IFT140: variants seen among roughly 807,000 people sequenced by gnomAD.
IFT140 encodes the protein intraflagellar transport 140.
A neutral mutation model predicts 164.6 loss-of-function variants in IFT140; 133 were observed. The ratio of observed to expected loss-of-function variants is 0.81; its 90% CI spans 0.70 to 0.93. The LOEUF is 0.93. Ranked by LOEUF, IFT140 falls within the 40% of genes least tolerant of loss-of-function variation. IFT140 has a pLI of 0.00. For missense variants in IFT140, 2,045 were observed against 1,972.3 expected (o/e 1.04, Z -0.70); for synonymous variants, 860 against 817.3 (o/e 1.05, Z -0.89).
intron 2 of IFT140, among the ~76,000 whole-genome samples, chr16:1,607,847 T>G (rs556295656): frequency 6.6e-6 from 1 of 152,248 alleles, no homozygotes; most frequent in Non-Finnish European, 1.5e-5. Flanking sequence ...GGTTTTACTA[T>G]GTTGCCCAGG....
At chr16:1,525,165 G>T in intron 22 of IFT140, 66 bp downstream of exon 22, 1 of 1,351,926 alleles carries the variant, frequency 7.4e-7, no homozygotes, top group Non-Finnish European at 1.1e-6. Flanking sequence ...GTCTCAGCAA[G>T]CCCTGGGGTC....
intron 6 of IFT140, among the ~76,000 whole-genome samples, chr16:1,591,645 C>A (rs1010699017): frequency 6.6e-6 from 1 of 152,162 alleles, no homozygotes; most frequent in Non-Finnish European, 1.5e-5. Flanking sequence ...GCCTTGGCTG[C>A]GCAGCCTGTC....
intron 19 of IFT140, among the ~76,000 whole-genome samples, chr16:1,548,218 T>G (rs547966303): frequency 1.3e-5 from 2 of 152,152 alleles, no homozygotes; most frequent in Admixed American, 6.5e-5. Flanking sequence ...CTGCTCCGCA[T>G]AGATTCTCTT....
At chr16:1,568,068 G>A (rs906147940) in intron 15 of IFT140, 149 bp downstream of exon 15, 1 of 634,994 alleles carries the variant, frequency 1.6e-6, no homozygotes. Flanking sequence ...AGAGACCCGG[G>A]GAGACGAGGG....
chr16:1,602,370 C>T lies in IFT140; in HGVS notation c.369G>A (p.Arg123=). 4 of 1,613,806 alleles carry T rather than the reference C, an allele frequency of 2.5e-6. No homozygotes were observed. The highest frequency in any genetic ancestry group is 3.4e-6 in the Non-Finnish European group (4 of 1,179,730). The change falls in exon 4 of 31, where the codon AGG becomes AGA. Residue 123 remains arginine (R), a splice_region_variant and synonymous_variant. Coordinates refer to ENST00000426508, the MANE Select transcript of IFT140 (RefSeq NM_014714.4). ...CAGCGTCTTGCGCGTGTTGACTCAC[C>T]CTGTCCCCAGACAGCAGGCAGTTTC... is the stretch of plus-strand genomic sequence containing the variant. The part of the protein sequence containing the change: ...PSGNCLLSGD[R]LGVLLLWRLD...
chr16:1,578,262 A>G (rs935043093), intron 13 of IFT140: 29 of 152,086 alleles, frequency 1.9e-4, no homozygotes, highest in Non-Finnish European at 1.6e-4. Flanking sequence ...AGAATTGACA[A>G]TCCATGATGG....
At chr16:1,594,937 T>A (rs1486664177) in intron 4 of IFT140, among the ~76,000 whole-genome samples, 3 of 152,264 alleles carry the variant, frequency 2.0e-5, no homozygotes, top group Non-Finnish European at 2.9e-5. Flanking sequence ...AAATGCTGGA[T>A]AACATGCTTT....
chr16:1,525,422 G>T (rs1219944580), intron 21 of IFT140, 96 bp from the exon 22 acceptor site: 2 of 913,596 alleles, frequency 2.2e-6, no homozygotes, highest in Admixed American at 1.8e-5. Context: ...ACGCATCAGA[G>T]CGGTGGCCCT....
chr16:1,523,775 G>A (rs1296205030), intron 25 of IFT140, 53 bp downstream of exon 25: 1 of 1,606,360 alleles, frequency 6.2e-7, no homozygotes, highest in Non-Finnish European at 8.5e-7. Flanking sequence ...ACAGGCAAGG[G>A]CCCCCTGGCT....
chr16:1,549,520 C>T (rs543612912), intron 19 of IFT140, among the ~76,000 whole-genome samples: 3 of 152,334 alleles, frequency 2.0e-5, no homozygotes, highest in African/African-American at 7.2e-5. Context: ...CAAGCTCTGC[C>T]TCCCGGGTTC....
chr16:1,566,131 C>A, intron 16 of IFT140, 30 bp downstream of exon 16: 1 of 1,601,606 alleles, frequency 6.2e-7, no homozygotes, highest in Non-Finnish European at 8.5e-7. Context: ...TCATTTTTTC[C>A]AACAAAATCC....
intron 19 of IFT140, among the ~76,000 whole-genome samples, chr16:1,528,077 C>T (rs764862897): frequency 1.8e-4 from 28 of 152,134 alleles, no homozygotes; most frequent in Non-Finnish European, 1.9e-4. Flanking sequence ...TGGGGCTGGG[C>T]GGGAGGTGGG....
intron 23 of IFT140, 27 bp downstream of exon 23, chr16:1,524,757 T>G: frequency 6.3e-7 from 1 of 1,590,892 alleles, no homozygotes; most frequent in Non-Finnish European, 8.6e-7. Flanking sequence ...CGTGTCCGCC[T>G]GGCCGGCTCC....
At chr16:1,606,405 G>C (rs1354975503) in intron 3 of IFT140, among the ~76,000 whole-genome samples, 1 of 152,212 alleles carries the variant, frequency 6.6e-6, no homozygotes, top group Non-Finnish European at 1.5e-5. Context: ...CCACATACTA[G>C]GGCTTTTATA....
rs550726536 is a variant in IFT140, at chr16:1,561,794, G to C, written c.2199+191C>G. Among the ~76,000 whole-genome samples, 23 of 152,298 alleles carry C rather than the reference G, an allele frequency of 1.5e-4. No individual in the cohort carries two copies. The East Asian group carries it at 4.1e-3, about 27-fold the overall frequency. ...GCAAAACCACTTCCAATTCTCCCCAGACAGACCGCAGTGTTTGCTGGAATT... is the reference window on the plus strand; with the variant it reads ...GCAAAACCACTTCCAATTCTCCCCACACAGACCGCAGTGTTTGCTGGAATT... On this transcript the variant is annotated intron_variant, in intron 18 of 30. Transcript: ENST00000426508.
At position 1,524,880 on chromosome 16, in the gene IFT140, G is replaced by A; in HGVS notation, c.2901C>T (p.Ser967=). ...GCAGCGCGGCGTCCATCTCGCCCTG[G>A]CTCTCCAGGTACTGCGCCCACCACC... ...LWRWWAQYLE[S]QGEMDAALHY... is the part of the protein sequence containing the mutation. Residue 967 remains serine, a synonymous_variant, in exon 23 of 31, where the codon AGC becomes AGT. Transcript: ENST00000426508. The A allele has an allele frequency of 1.2e-6, 2 of 1,611,828 alleles. No individual in the cohort carries two copies. The highest frequency in any genetic ancestry group is 1.7e-6 in the Non-Finnish European group (2 of 1,179,248).
rs768905081 is a variant in IFT140 at position 1,524,517 on chromosome 16, A to G, written c.3141+35T>C. 1.9e-5 allele frequency: 30 copies of G among 1,607,638 alleles called. No homozygotes were observed. In the African/African-American group the frequency reaches 3.2e-4, roughly 17 times the overall value. Reference sequence around the variant, plus strand: ...TTGAAGCTCTCCTCAGGGGACCTCGAGAAGCGCCGGCTCCCCACCCCGGGC... The same window carrying G: ...TTGAAGCTCTCCTCAGGGGACCTCGGGAAGCGCCGGCTCCCCACCCCGGGC... On this transcript the variant is annotated intron_variant, in intron 24 of 30. Coordinates refer to ENST00000426508, the MANE Select transcript of IFT140 (RefSeq NM_014714.4).
chr16:1,587,652 C>T (rs749224523), intron 8 of IFT140, among the ~76,000 whole-genome samples: 11 of 152,142 alleles, frequency 7.2e-5, no homozygotes, highest in Non-Finnish European at 1.6e-4. Flanking sequence ...TGCCACACTC[C>T]GAAAAACCAG....
intron 15 of IFT140, 143 bp downstream of exon 15, chr16:1,568,074 G>A (rs1000352222): frequency 5.1e-5 from 33 of 640,976 alleles, no homozygotes; most frequent in Non-Finnish European, 8.1e-5. Flanking sequence ...CCGGGGAGAC[G>A]AGGGGAAGGA....
Sources: gnomAD v4.1 joint callset for allele counts (sites outside exome capture counted in the v4.1 genomes callset) on GRCh38, gnomAD v4.1.1 for gene constraint, MANE v1.5 for transcripts, NCBI Gene and HGNC (gene_info 2026-07-23, HGNC 2026-07-21) for gene names.